Variants in GRIN2B observed in about 807,000 individuals in gnomAD.
GRIN2B encodes the protein glutamate receptor ionotropic, NMDA 2B.
GRIN2B carries 5 observed loss-of-function variants against 114.5 expected under a neutral mutation model. That is an observed-to-expected ratio of 0.04 (90% CI 0.02 to 0.09). The LOEUF (loss-of-function observed/expected upper bound fraction) is 0.09. Ranked by LOEUF, GRIN2B falls within the 10% of genes least tolerant of loss-of-function variation. GRIN2B has a pLI of 1.00. For synonymous variants in GRIN2B, 787 were observed against 745.1 expected (o/e 1.06, Z -0.92); for missense variants, 1,108 against 1,943.5 (o/e 0.57, Z 8.08).
At chr12:13,703,931 CAGT>C (rs1214950704) in intron 4 of GRIN2B, among the ~76,000 whole-genome samples, 8 of 152,154 alleles carry the variant, frequency 5.3e-5, no homozygotes, top group Non-Finnish European at 1.0e-4. Flanking sequence ...GAAATATACC[CAGT>C]ATACAGATTC....
intron 5 of GRIN2B, among the ~76,000 whole-genome samples, chr12:13,636,018 G>A (rs529767274): frequency 6.6e-6 from 1 of 152,206 alleles, no homozygotes; most frequent in Non-Finnish European, 1.5e-5. Flanking sequence ...ATATCAGCTA[G>A]AGAGAGCTAT....
At chr12:13,953,283 T>C (rs1364141595) in intron 2 of GRIN2B, among the ~76,000 whole-genome samples, 1 of 152,126 alleles carries the variant, frequency 6.6e-6, no homozygotes, top group East Asian at 1.9e-4. Context: ...ATGCTCTTCA[T>C]ACTCAATTAG....
chr12:13,731,398 G>T (rs781408240), intron 4 of GRIN2B, among the ~76,000 whole-genome samples: 51 of 152,106 alleles, frequency 3.4e-4, no homozygotes, highest in Non-Finnish European at 3.2e-4. Context: ...AGGAGATCAA[G>T]ACCATCATGG....
At chr12:13,786,345 A>T (rs1410040200) in intron 3 of GRIN2B, among the ~76,000 whole-genome samples, 4 of 152,104 alleles carry the variant, frequency 2.6e-5, no homozygotes. Context: ...ACTGAACTAA[A>T]TGTCCTATAT....
intron 4 of GRIN2B, among the ~76,000 whole-genome samples, chr12:13,691,816 A>G (rs746385648): frequency 9.2e-5 from 14 of 152,308 alleles, no homozygotes; most frequent in Non-Finnish European, 1.6e-4. Flanking sequence ...TGTACAGAGA[A>G]CTGCCAAAAT....
intron 5 of GRIN2B, among the ~76,000 whole-genome samples, chr12:13,667,164 G>A (rs1242719223): frequency 6.6e-6 from 1 of 152,106 alleles, no homozygotes; most frequent in Non-Finnish European, 1.5e-5. Flanking sequence ...CCAACATGAT[G>A]AAAAATGCAG....
chr12:13,724,136 A>G (rs1862933218), intron 4 of GRIN2B, among the ~76,000 whole-genome samples: 1 of 152,170 alleles, frequency 6.6e-6, no homozygotes, highest in African/African-American at 2.4e-5. Flanking sequence ...ACACATCTGA[A>G]GCAGGTGCCT....
intron 4 of GRIN2B, among the ~76,000 whole-genome samples, chr12:13,685,332 G>T (rs893838460): frequency 6.6e-6 from 1 of 152,200 alleles, no homozygotes; most frequent in Non-Finnish European, 1.5e-5. Flanking sequence ...GGGGCAAAAT[G>T]GTAGATGAAT....
chr12:13,802,431 G>A (rs1029752493), intron 3 of GRIN2B, among the ~76,000 whole-genome samples: 15 of 152,024 alleles, frequency 9.9e-5, no homozygotes, highest in African/African-American at 3.1e-4. Context: ...ACAAGATGTT[G>A]GTACTATTTG....
At chr12:13,664,362 TTTCA>T (rs1949954774) in intron 5 of GRIN2B, among the ~76,000 whole-genome samples, 1 of 152,134 alleles carries the variant, frequency 6.6e-6, no homozygotes, top group Admixed American at 6.6e-5. Flanking sequence ...GTTTCCCAAA[TTTCA>T]TTCATTCAAG....
intron 3 of GRIN2B, among the ~76,000 whole-genome samples, chr12:13,755,226 A>G (rs1863556358): frequency 6.6e-6 from 1 of 152,202 alleles, no homozygotes; most frequent in African/African-American, 2.4e-5. Context: ...TAGTTCAGGA[A>G]CATATTGTTG....
intron 2 of GRIN2B, among the ~76,000 whole-genome samples, chr12:13,880,214 C>A (rs1452713412): frequency 6.6e-6 from 1 of 152,182 alleles, no homozygotes; most frequent in Non-Finnish European, 1.5e-5. Flanking sequence ...GACTAAAGAG[C>A]ACCGAGGGTA....
chr12:13,708,271 G>T (rs1423109749), intron 4 of GRIN2B, among the ~76,000 whole-genome samples: 2 of 152,032 alleles, frequency 1.3e-5, no homozygotes, highest in Non-Finnish European at 2.9e-5. Context: ...GTTTTATTCT[G>T]TCACACTTAA....
At chr12:13,652,716 A>G (rs970764570) in intron 5 of GRIN2B, among the ~76,000 whole-genome samples, 1 of 152,180 alleles carries the variant, frequency 6.6e-6, no homozygotes, top group Non-Finnish European at 1.5e-5. Context: ...AAATGGTTCA[A>G]CTGCATAAGG....
chr12:13,879,918 T>C lies in GRIN2B; in HGVS notation c.-18-13692A>G, dbSNP rs560700838. On this transcript the variant is annotated intron_variant, in intron 2 of 13. Coordinates refer to ENST00000609686, the MANE Select transcript of GRIN2B (RefSeq NM_000834.5). Reference sequence around the variant, plus strand: ...AAATTAAATGTTGAAAGCTGAAAACTTGACTTACGACTTCACACACCAGCT... The same window carrying C: ...AAATTAAATGTTGAAAGCTGAAAACCTGACTTACGACTTCACACACCAGCT... Among the ~76,000 whole-genome samples, 5 of 152,364 alleles carry C rather than the reference T, an allele frequency of 3.3e-5. No individual in the cohort carries two copies. In the East Asian group the frequency reaches 9.6e-4, roughly 29 times the overall value.
At chr12:13,630,007 T>A (rs1392100207) in intron 5 of GRIN2B, among the ~76,000 whole-genome samples, 1 of 152,236 alleles carries the variant, frequency 6.6e-6, no homozygotes, top group Non-Finnish European at 1.5e-5. Flanking sequence ...TGATATCTTA[T>A]ATCTAACTGC....
At chr12:13,651,717 G>A (rs1949814741) in intron 5 of GRIN2B, among the ~76,000 whole-genome samples, 1 of 152,002 alleles carries the variant, frequency 6.6e-6, no homozygotes, top group Non-Finnish European at 1.5e-5. Context: ...CTAGAAAACA[G>A]CCTATATCAG....
intron 10 of GRIN2B, among the ~76,000 whole-genome samples, chr12:13,607,181 T>G (rs1163137705): frequency 8.7e-6 from 1 of 114,366 alleles, no homozygotes; most frequent in East Asian, 2.3e-4. Flanking sequence ...ATATATATAA[T>G]AAATATATAA....
intron 3 of GRIN2B, among the ~76,000 whole-genome samples, chr12:13,831,584 T>A (rs76004813): frequency 7.9e-5 from 12 of 152,082 alleles, no homozygotes; most frequent in Non-Finnish European, 1.6e-4. Flanking sequence ...GGACTGAAAT[T>A]GAGTAGGAGA....
Sources: allele counts gnomAD v4.1 joint callset (sites outside exome capture counted in the v4.1 genomes callset), GRCh38; gene constraint gnomAD v4.1.1; transcripts MANE v1.5; gene names NCBI Gene and HGNC (gene_info 2026-07-23, HGNC 2026-07-21).